The following KMT2C variants were observed in gnomAD, a reference collection of about 807,000 sequenced individuals.
The protein encoded by KMT2C is histone-lysine N-methyltransferase 2C.
A neutral mutation model predicts 507.9 loss-of-function variants in KMT2C; 88 were observed. That is an observed-to-expected ratio of 0.17 (90% CI 0.15 to 0.21). The LOEUF is 0.21. Among genes scored for constraint, KMT2C ranks in the 10% least tolerant of loss-of-function variants. The probability of loss-of-function intolerance (pLI) is 1.00; values close to 1 mark genes in which losing one functional copy is unlikely to be tolerated. For synonymous variants in KMT2C, 2,049 were observed against 2,080.8 expected, an observed-to-expected ratio of 0.98 and a Z score of 0.42; for missense variants, 4,954 against 5,957.8, an observed-to-expected ratio of 0.83 and a Z score of 5.55.
At chr7:152,431,489 C>G (rs1347419569) in intron 1 of KMT2C, among the ~76,000 whole-genome samples, 1 of 151,868 alleles carries the variant, frequency 6.6e-6, no homozygotes, top group African/African-American at 2.4e-5. Context: ...CCCAGCTACT[C>G]CAGCTACTTG....
chr7:152,373,268 T>C (rs1288036433), intron 1 of KMT2C, among the ~76,000 whole-genome samples: 1 of 152,218 alleles, frequency 6.6e-6, no homozygotes, highest in Admixed American at 6.5e-5. Context: ...TCTCTTTAGC[T>C]GTATACTCCA....
At chr7:152,323,835 G>GGGGA (rs1266412576) in intron 3 of KMT2C, among the ~76,000 whole-genome samples, 1 of 148,972 alleles carries the variant, frequency 6.7e-6, no homozygotes, top group Non-Finnish European at 1.5e-5. Flanking sequence ...AAGGAAGAGT[G>GGGGA]GGGAGAGAGA....
At chr7:152,313,086 ACTT>A (rs2096687886) in intron 4 of KMT2C, among the ~76,000 whole-genome samples, 1 of 152,174 alleles carries the variant, frequency 6.6e-6, no homozygotes, top group Non-Finnish European at 1.5e-5. Flanking sequence ...AAATGCATAG[ACTT>A]TTTTTAAAAG....
intron 23 of KMT2C, among the ~76,000 whole-genome samples, chr7:152,215,504 ACT>A (rs1173599152): frequency 2.5e-5 from 3 of 121,264 alleles, no homozygotes; most frequent in Admixed American, 1.9e-4. Flanking sequence ...ACACAGCAAG[ACT>A]CTGTCTCAAA....
intron 6 of KMT2C, among the ~76,000 whole-genome samples, chr7:152,281,579 A>C (rs1244674051): frequency 1.3e-5 from 2 of 152,212 alleles, no homozygotes; most frequent in Non-Finnish European, 2.9e-5. Context: ...TAAAAATACA[A>C]AAATTAGCTG....
At chr7:152,267,675 T>A (rs1217237123) in intron 7 of KMT2C, among the ~76,000 whole-genome samples, 2 of 152,224 alleles carry the variant, frequency 1.3e-5, no homozygotes. Context: ...TCTGACATCC[T>A]GTCTAAATCA....
intron 6 of KMT2C, among the ~76,000 whole-genome samples, chr7:152,301,320 C>G (rs1137721): frequency 2.6e-5 from 4 of 151,290 alleles, no homozygotes; most frequent in Non-Finnish European, 5.9e-5. Context: ...CTGGCCCACA[C>G]GGTGAAACTC....
intron 2 of KMT2C, among the ~76,000 whole-genome samples, chr7:152,337,855 G>C (rs111808718): frequency 4.0e-5 from 6 of 148,956 alleles, no homozygotes; most frequent in South Asian, 2.1e-4. Flanking sequence ...TATACAACTT[G>C]ATTTTTTTTT....
At chr7:152,344,632 AAAAG>A (rs1353453229) in intron 2 of KMT2C, among the ~76,000 whole-genome samples, 1 of 151,952 alleles carries the variant, frequency 6.6e-6, no homozygotes, top group Non-Finnish European at 1.5e-5. Flanking sequence ...CTCAAAAAAA[AAAAG>A]AGAGAACTGT....
chr7:152,372,059 A>C (rs964689618), intron 1 of KMT2C, among the ~76,000 whole-genome samples: 2 of 152,218 alleles, frequency 1.3e-5, no homozygotes, highest in Non-Finnish European at 2.9e-5. Context: ...AAACTACAAG[A>C]GTCAGAAAAA....
At chr7:152,164,455 A>C (rs1393713783) in intron 42 of KMT2C, among the ~76,000 whole-genome samples, 1 of 151,706 alleles carries the variant, frequency 6.6e-6, no homozygotes, top group Non-Finnish European at 1.5e-5. Context: ...ACGCCCGGCT[A>C]ATTTTTTGTA....
At chr7:152,358,279 A>T (rs947050694) in intron 2 of KMT2C, among the ~76,000 whole-genome samples, 4 of 152,068 alleles carry the variant, frequency 2.6e-5, no homozygotes, top group African/African-American at 9.7e-5. Context: ...CATAGGCCAG[A>T]ATATACTATG....
chr7:152,275,665 T>G (rs2096068250), intron 6 of KMT2C, among the ~76,000 whole-genome samples: 2 of 152,184 alleles, frequency 1.3e-5, no homozygotes, highest in Non-Finnish European at 1.5e-5. Flanking sequence ...TCCCAAGGTA[T>G]CTAAATATGT....
Position 152,160,968 on chromosome 7 carries a change from G to A in KMT2C, c.11460+1149C>T, listed in dbSNP as rs1427154128. On this transcript the variant is annotated intron_variant, in intron 43 of 58. Transcript: ENST00000262189. The stretch of plus-strand genomic sequence containing the variant: ...ATGACTCAAGAACTGCATTTCAAAA[G>A]ATAAAAATATATTGTCCAGACGTAT... Among the ~76,000 whole-genome samples the A allele has an allele frequency of 2.0e-5, 3 of 152,232 alleles. No individual in the cohort carries two copies. The East Asian group carries it at 5.8e-4, about 29-fold the overall frequency.
chr7:152,427,005 TTTTTTTTG>T (rs1205654556), intron 1 of KMT2C, among the ~76,000 whole-genome samples: 1 of 150,728 alleles, frequency 6.6e-6, no homozygotes, highest in African/African-American at 2.5e-5. Context: ...TCCCCAGAGT[TTTTTTTTG>T]TTTTGTTTTG....
Position 152,204,522 on chromosome 7 carries a change from A to G in KMT2C, c.3961+584T>C, listed in dbSNP as rs565096625. 6.4e-4 allele frequency among the ~76,000 whole-genome samples: 97 copies of G among 152,142 alleles called. 1 individual carries two copies. The highest frequency in any genetic ancestry group is 2.1e-3 in the African/African-American group (87 of 41,516). On this transcript the variant is annotated intron_variant, in intron 25 of 58. Transcript: ENST00000262189. The stretch of plus-strand genomic sequence containing the variant: ...GAGGACAGGAGAACTACCTGAGCTC[A>G]GGAGTGCAAGGCTGCAGTGACCCAT...
chr7:152,420,398 A>T (rs540848793), intron 1 of KMT2C, among the ~76,000 whole-genome samples: 1 of 152,284 alleles, frequency 6.6e-6, no homozygotes, highest in South Asian at 2.1e-4. Context: ...ACATTAAAGG[A>T]GTTTAGTATT....
At chr7:152,388,185 C>CATTAATTTT (rs2097450508) in intron 1 of KMT2C, among the ~76,000 whole-genome samples, 1 of 152,238 alleles carries the variant, frequency 6.6e-6, no homozygotes, top group Non-Finnish European at 1.5e-5. Context: ...TCATTAATTT[C>CATTAATTTT]ATTCATTATG....
intron 6 of KMT2C, among the ~76,000 whole-genome samples, chr7:152,294,329 A>G (rs2096466769): frequency 6.6e-6 from 1 of 152,224 alleles, no homozygotes; most frequent in African/African-American, 2.4e-5. Flanking sequence ...TTCAGAGTGA[A>G]AAGATAAAAC....
Sources: allele counts gnomAD v4.1 joint callset (sites outside exome capture counted in the v4.1 genomes callset), GRCh38; gene constraint gnomAD v4.1.1; transcripts MANE v1.5; gene names NCBI Gene and HGNC (gene_info 2026-07-23, HGNC 2026-07-21).